Variants in LIMS1 observed in about 807,000 individuals in gnomAD.
LIMS1 encodes LIM and senescent cell antigen-like-containing domain protein 1.
A neutral mutation model predicts 44.1 loss-of-function variants in LIMS1; 18 were observed. That is an observed-to-expected ratio of 0.41 (90% CI 0.28 to 0.61). The LOEUF (loss-of-function observed/expected upper bound fraction) is 0.61, where lower values mean the gene tolerates loss of function less well. Among genes scored for constraint, LIMS1 ranks in the 20% least tolerant of loss-of-function variants. The probability of loss-of-function intolerance (pLI) is 0.32; values close to 1 mark genes in which losing one functional copy is unlikely to be tolerated. For missense variants in LIMS1, 201 were observed against 422.0 expected (o/e 0.48, Z 4.59); for synonymous variants, 93 against 149.1 (o/e 0.62, Z 2.74).
intron 1 of LIMS1, among the ~76,000 whole-genome samples, chr2:108,599,551 A>T (rs569307150): frequency 1.1e-4 from 16 of 152,288 alleles, no homozygotes; most frequent in African/African-American, 3.9e-4. Flanking sequence ...CAGCAGTGGG[A>T]GTGCTGGATC....
chr2:108,641,683 A>G (rs756190032), intron 1 of LIMS1, among the ~76,000 whole-genome samples: 1 of 152,208 alleles, frequency 6.6e-6, no homozygotes, highest in South Asian at 2.1e-4. Flanking sequence ...GAAAATGTAC[A>G]TTATTTCTTT....
At position 108,570,529 on chromosome 2, in the gene LIMS1, C is replaced by T. The variant is rs141492296; in HGVS notation, c.32+35935C>T. Among the ~76,000 whole-genome samples, 852 of 152,150 alleles carry T rather than the reference C, an allele frequency of 5.6e-3. 2 individuals are homozygous for T. Among genetic ancestry groups the T allele is most frequent in the Middle Eastern group, 0.027 (8 of 294 alleles). ...ATCCAGAAGTTGCTGGCAGGTTGGT[C>T]GTGGGGGAGGAAACCTTTTTAATGC... On this transcript the variant is annotated intron_variant, in intron 1 of 9. Transcript: ENST00000544547.
At chr2:108,570,173 G>A (rs1474200250) in intron 1 of LIMS1, among the ~76,000 whole-genome samples, 2 of 152,094 alleles carry the variant, frequency 1.3e-5, no homozygotes, top group African/African-American at 2.4e-5. Flanking sequence ...GCTCACGCCT[G>A]TAATCCCAGC....
At chr2:108,564,090 CAAG>C (rs1262567399) in intron 1 of LIMS1, among the ~76,000 whole-genome samples, 1 of 148,276 alleles carries the variant, frequency 6.7e-6, no homozygotes, top group Non-Finnish European at 1.5e-5. Context: ...TTGTTTGCCA[CAAG>C]GAGGTTTTCT....
At chr2:108,569,281 T>G (rs192245005) in intron 1 of LIMS1, among the ~76,000 whole-genome samples, 69 of 152,350 alleles carry the variant, frequency 4.5e-4, no homozygotes, top group African/African-American at 6.7e-4. Context: ...TTCTCCTGTT[T>G]CATATTTTGC....
intron 1 of LIMS1, among the ~76,000 whole-genome samples, chr2:108,546,424 G>A (rs529370225): frequency 1.6e-4 from 24 of 152,086 alleles, no homozygotes; most frequent in Non-Finnish European, 3.4e-4. Flanking sequence ...TGGGATTACA[G>A]GTGTGAGCCA....
chr2:108,554,657 G>A (rs547292713), intron 1 of LIMS1, among the ~76,000 whole-genome samples: 3 of 152,206 alleles, frequency 2.0e-5, no homozygotes, highest in Admixed American at 1.3e-4. Flanking sequence ...TTCAATATCC[G>A]TGCCATTACA....
Position 108,672,249 on chromosome 2 carries a change from T to A in LIMS1, c.260-76T>A, listed in dbSNP as rs535641174. On this transcript the variant is annotated intron_variant, in intron 3 of 9. Transcript: ENST00000544547. Reference sequence around the variant, plus strand: ...CCTCATTGTTTTTCCTTAATTACTCTCTCAGTAAATAAAGTGCCATGCCTG... The same window carrying A: ...CCTCATTGTTTTTCCTTAATTACTCACTCAGTAAATAAAGTGCCATGCCTG... 1.3e-4 allele frequency: 161 copies of A among 1,228,372 alleles called. 35 individuals are homozygous for A. Among genetic ancestry groups the A allele is most frequent in the African/African-American group, 2.3e-4 (16 of 68,858 alleles). 76.1% of individuals were successfully genotyped at this position (1,228,372 alleles called of 1,614,324 possible). A position where few individuals can be genotyped will look rare whatever the true frequency, so the allele number is the denominator to read the frequency against.
chr2:108,576,504 G>A (rs1685675000), intron 1 of LIMS1, among the ~76,000 whole-genome samples: 3 of 152,054 alleles, frequency 2.0e-5, no homozygotes, highest in Non-Finnish European at 2.9e-5. Flanking sequence ...GGGTTCAAGC[G>A]ATTCTTCTGC....
At chr2:108,536,212 G>A (rs918919858) in intron 1 of LIMS1, among the ~76,000 whole-genome samples, 4 of 152,110 alleles carry the variant, frequency 2.6e-5, no homozygotes, top group African/African-American at 9.7e-5. Context: ...TTTTTGGAGG[G>A]AGAGTAATAA....
rs1352020373 is a variant in LIMS1, at chr2:108,673,154, C to G, written c.530+125C>G. 4.3e-6 allele frequency: 6 copies of G among 1,391,720 alleles called. No homozygotes were observed. The East Asian group carries it at 1.4e-4, about 32-fold the overall frequency. The allele number at this position is 1,391,720 out of a possible 1,614,324, so 86.2% of individuals were successfully genotyped here. A position where few individuals can be genotyped will look rare whatever the true frequency, so the allele number is the denominator to read the frequency against. On this transcript the variant is annotated intron_variant, in intron 5 of 9. Transcript: ENST00000544547. ...AATTTTTAGTCTAGAAAATTTTAAA[C>G]CTATAGACGAGTCAAGAGAATGATA...
intron 1 of LIMS1, among the ~76,000 whole-genome samples, chr2:108,649,001 A>G (rs1437048278): frequency 3.3e-5 from 5 of 152,248 alleles, no homozygotes; most frequent in Non-Finnish European, 7.3e-5. Flanking sequence ...ACTAAACTAA[A>G]GAGCTTCTGC....
At chr2:108,538,507 G>A (rs1044786331) in intron 1 of LIMS1, among the ~76,000 whole-genome samples, 9 of 152,168 alleles carry the variant, frequency 5.9e-5, no homozygotes, top group Admixed American at 2.0e-4. Flanking sequence ...GTATGTGCTT[G>A]GCAGTGGGAG....
chr2:108,546,676 A>ATTTTTTTTTTTTT (rs1491149600), intron 1 of LIMS1, among the ~76,000 whole-genome samples: 1 of 93,108 alleles, frequency 1.1e-5, no homozygotes, highest in Non-Finnish European at 2.2e-5. Flanking sequence ...AATTTGAGTG[A>ATTTTTTTTTTTTT]TCTTTTTTTT....
intron 1 of LIMS1, among the ~76,000 whole-genome samples, chr2:108,586,517 G>A (rs1248025566): frequency 3.3e-5 from 5 of 152,230 alleles, no homozygotes; most frequent in African/African-American, 9.6e-5. Context: ...TCTGCTGAGA[G>A]AAGAAAGGGA....
chr2:108,676,002 G>A (rs982107684), exon 6 of LIMS1: 7 of 1,613,934 alleles, frequency 4.3e-6, no homozygotes, highest in Non-Finnish European at 5.9e-6. Flanking sequence ...CGTGGTGAAC[G>A]CTATGGGCAA....
chr2:108,579,826 A>G (rs983415901), intron 1 of LIMS1, among the ~76,000 whole-genome samples: 3 of 152,206 alleles, frequency 2.0e-5, no homozygotes, highest in Admixed American at 2.0e-4. Flanking sequence ...CTTCCGGAGA[A>G]CTTCCCAGAG....
chr2:108,654,981 C>T (rs1690751058), intron 1 of LIMS1: 2 of 1,540,674 alleles, frequency 1.3e-6, no homozygotes, highest in Non-Finnish European at 1.7e-6. Flanking sequence ...TGGGAGTGAC[C>T]CTGGCTGGGA....
chr2:108,637,704 T>C (rs965474382), intron 1 of LIMS1, among the ~76,000 whole-genome samples: 1 of 152,146 alleles, frequency 6.6e-6, no homozygotes, highest in Admixed American at 6.5e-5. Flanking sequence ...GCTGTTTAGG[T>C]GTGAGAATGT....
Sources: allele counts gnomAD v4.1 joint callset (sites outside exome capture counted in the v4.1 genomes callset), GRCh38; gene constraint gnomAD v4.1.1; transcripts MANE v1.5; gene names NCBI Gene and HGNC (gene_info 2026-07-23, HGNC 2026-07-21).